The following IMMP2L variants were observed in gnomAD, a reference collection of about 807,000 sequenced individuals.
IMMP2L encodes inner mitochondrial membrane peptidase subunit 2.
Under a neutral mutation model 19.3 loss-of-function variants are expected in IMMP2L, and 18 were observed. The observed-to-expected ratio is 0.93, with a 90% CI of 0.64 to 1.38. The LOEUF is 1.38. Ranked by LOEUF, IMMP2L falls within the 40% of genes most tolerant of loss-of-function variation. The pLI is 0.00. For synonymous variants in IMMP2L, 76 were observed against 73.0 expected (o/e 1.04, Z -0.21); for missense variants, 233 against 218.2 (o/e 1.07, Z -0.43).
intron 5 of IMMP2L, among the ~76,000 whole-genome samples, chr7:110,853,999 T>C (rs374406271): frequency 2.0e-5 from 3 of 151,978 alleles, no homozygotes; most frequent in East Asian, 3.9e-4. Context: ...ATCATTTTTC[T>C]GTTTAAAGTA....
At chr7:111,275,624 T>C (rs1412314537) in intron 3 of IMMP2L, among the ~76,000 whole-genome samples, 1 of 152,200 alleles carries the variant, frequency 6.6e-6, no homozygotes, top group Non-Finnish European at 1.5e-5. Context: ...TACAATTTTA[T>C]AGGGATTGCA....
At chr7:110,772,541 C>T (rs926816743) in intron 5 of IMMP2L, among the ~76,000 whole-genome samples, 10 of 152,152 alleles carry the variant, frequency 6.6e-5, no homozygotes, top group South Asian at 2.1e-4. Context: ...AGCTTGGCTA[C>T]GAGCCCCTTC....
chr7:110,912,269 A>C (rs1813138924), intron 4 of IMMP2L, among the ~76,000 whole-genome samples: 1 of 152,156 alleles, frequency 6.6e-6, no homozygotes, highest in Non-Finnish European at 1.5e-5. Flanking sequence ...ATTCAGCAAA[A>C]ATAATTGCAA....
intron 3 of IMMP2L, among the ~76,000 whole-genome samples, chr7:111,170,288 C>G (rs942135712): frequency 6.6e-6 from 1 of 151,704 alleles, no homozygotes; most frequent in African/African-American, 2.4e-5. Flanking sequence ...AACCTTCAAA[C>G]CAGGGAATCT....
intron 2 of IMMP2L, chr7:111,492,264 TA>T (rs759770255): frequency 1.4e-4 from 50 of 352,924 alleles, no homozygotes; most frequent in Non-Finnish European, 1.9e-4. Context: ...TTTTCAAAAT[TA>T]ACAAGGTCAA....
At chr7:110,868,965 A>T (rs1808280027) in intron 5 of IMMP2L, among the ~76,000 whole-genome samples, 1 of 152,134 alleles carries the variant, frequency 6.6e-6, no homozygotes, top group Non-Finnish European at 1.5e-5. Flanking sequence ...AATTATTTTA[A>T]TATTCTCTTG....
intron 5 of IMMP2L, among the ~76,000 whole-genome samples, chr7:110,690,731 C>T (rs755078718): frequency 2.1e-4 from 32 of 151,222 alleles, no homozygotes; most frequent in Non-Finnish European, 3.5e-4. Flanking sequence ...AACCAATAAA[C>T]GAATTTTAAA....
intron 4 of IMMP2L, among the ~76,000 whole-genome samples, chr7:110,907,587 T>C: frequency 6.6e-6 from 1 of 152,128 alleles, no homozygotes; most frequent in East Asian, 1.9e-4. Flanking sequence ...TGGGCTGTGG[T>C]ATCAGGCTTT....
At chr7:110,942,077 A>G (rs1327596394) in intron 4 of IMMP2L, among the ~76,000 whole-genome samples, 1 of 152,002 alleles carries the variant, frequency 6.6e-6, no homozygotes, top group African/African-American at 2.4e-5. Context: ...CAATTTGTTA[A>G]TTGGTTGCTC....
At chr7:111,281,310 A>G (rs192413435) in intron 3 of IMMP2L, among the ~76,000 whole-genome samples, 6 of 151,680 alleles carry the variant, frequency 4.0e-5, no homozygotes, top group Non-Finnish European at 7.4e-5. Flanking sequence ...AAGGAAGGAA[A>G]GAAAGAAAGA....
chr7:110,977,795 A>C (rs1003815784), intron 3 of IMMP2L, among the ~76,000 whole-genome samples: 21 of 151,786 alleles, frequency 1.4e-4, no homozygotes, highest in Non-Finnish European at 1.5e-5. Flanking sequence ...CCTTTGAAAT[A>C]ATTAAAGATA....
At chr7:111,369,376 T>C (rs1830070201) in intron 3 of IMMP2L, among the ~76,000 whole-genome samples, 2 of 152,068 alleles carry the variant, frequency 1.3e-5, no homozygotes, top group Non-Finnish European at 2.9e-5. Flanking sequence ...TTTGCTACAG[T>C]TGTATAAAAT....
intron 3 of IMMP2L, among the ~76,000 whole-genome samples, chr7:111,020,629 G>C (rs1192284008): frequency 6.6e-6 from 1 of 152,060 alleles, no homozygotes; most frequent in Non-Finnish European, 1.5e-5. Flanking sequence ...GGGTGTGGTA[G>C]CATGTGCCTG....
At chr7:111,459,401 C>A (rs1395832373) in intron 3 of IMMP2L, among the ~76,000 whole-genome samples, 1 of 152,032 alleles carries the variant, frequency 6.6e-6, no homozygotes, top group Non-Finnish European at 1.5e-5. Context: ...ATATGATAGG[C>A]ACTAGTAATA....
At chr7:110,753,196 T>C (rs185622945) in intron 5 of IMMP2L, among the ~76,000 whole-genome samples, 87 of 152,142 alleles carry the variant, frequency 5.7e-4, no homozygotes, top group African/African-American at 1.9e-3. Flanking sequence ...AGTTTTAAAA[T>C]CACCTGGAAT....
intron 5 of IMMP2L, among the ~76,000 whole-genome samples, chr7:110,793,696 G>A (rs1301244555): frequency 1.3e-5 from 2 of 152,028 alleles, no homozygotes; most frequent in African/African-American, 2.4e-5. Context: ...ATCCAGTGCT[G>A]TATACTGGAA....
chr7:111,323,510 T>A (rs940650329), intron 3 of IMMP2L, among the ~76,000 whole-genome samples: 2 of 152,086 alleles, frequency 1.3e-5, no homozygotes, highest in Admixed American at 1.3e-4. Flanking sequence ...GGAGAAGATA[T>A]GGAGAAATAG....
At chr7:111,508,392 T>C (rs185030376) in intron 2 of IMMP2L, among the ~76,000 whole-genome samples, 7 of 152,296 alleles carry the variant, frequency 4.6e-5, no homozygotes, top group Admixed American at 4.6e-4. Flanking sequence ...TAAAATGATA[T>C]ACCCATTGGT....
At chr7:110,968,229 C>G (rs1308029141) in intron 3 of IMMP2L, among the ~76,000 whole-genome samples, 1 of 151,542 alleles carries the variant, frequency 6.6e-6, no homozygotes, top group Non-Finnish European at 1.5e-5. Flanking sequence ...ACCATCAAAT[C>G]TGGCTTACAG....
Sources: gnomAD v4.1 joint callset for allele counts (sites outside exome capture counted in the v4.1 genomes callset) on GRCh38, gnomAD v4.1.1 for gene constraint, MANE v1.5 for transcripts, NCBI Gene and HGNC (gene_info 2026-07-23, HGNC 2026-07-21) for gene names.